Variants in CHD1 observed in about 807,000 individuals in gnomAD.
CHD1 encodes the protein chromodomain helicase DNA binding protein 1.
CHD1 carries 36 observed loss-of-function variants against 224.2 expected under a neutral mutation model. That is an observed-to-expected ratio of 0.16 (90% CI 0.12 to 0.21). The LOEUF is 0.21. Ranked by LOEUF, CHD1 falls within the 10% of genes least tolerant of loss-of-function variation. The probability of loss-of-function intolerance (pLI) is 1.00; values close to 1 mark genes in which losing one functional copy is unlikely to be tolerated. For synonymous variants in CHD1, 668 were observed against 658.3 expected (o/e 1.01, Z -0.23); for missense variants, 1,378 against 1,994.8 (o/e 0.69, Z 5.89).
At chr5:98,897,064 GA>G in intron 11 of CHD1, 128 bp downstream of exon 11, 1 of 806,030 alleles carries the variant, frequency 1.2e-6, no homozygotes, top group Non-Finnish European at 2.0e-6. Context: ...TACAAACTAG[GA>G]AATACAAAGA....
intron 18 of CHD1, among the ~76,000 whole-genome samples, chr5:98,884,773 G>C (rs979063345): frequency 2.5e-4 from 37 of 150,802 alleles, no homozygotes; most frequent in Non-Finnish European, 4.7e-4. Flanking sequence ...CTAGAGTCTA[G>C]TGACATGATC....
chr5:98,878,441 T>C (rs768528051), intron 23 of CHD1, among the ~76,000 whole-genome samples: 15 of 152,216 alleles, frequency 9.9e-5, no homozygotes, highest in Non-Finnish European at 2.2e-4. Context: ...AGGCTTAAAA[T>C]TTAAGGAAGC....
intron 2 of CHD1, among the ~76,000 whole-genome samples, chr5:98,913,971 C>G (rs1752588060): frequency 6.6e-6 from 1 of 151,986 alleles, no homozygotes; most frequent in Non-Finnish European, 1.5e-5. Context: ...AAATGTGCCC[C>G]TCCCTATCCA....
chr5:98,908,490 T>A (rs1255314561), intron 2 of CHD1, among the ~76,000 whole-genome samples: 2 of 152,300 alleles, frequency 1.3e-5, no homozygotes, highest in South Asian at 4.1e-4. Flanking sequence ...GCTGCTCTTA[T>A]GTCAAGCATT....
At chr5:98,869,324 A>G (rs746302034) in intron 30 of CHD1, 299 of 953,968 alleles carry the variant, frequency 3.1e-4, no homozygotes, top group Non-Finnish European at 3.7e-4. Context: ...AAATTTTAAC[A>G]ACGACTAATT....
intron 5 of CHD1, 69 bp from the exon 6 acceptor site, chr5:98,901,404 T>C: frequency 7.9e-7 from 1 of 1,272,394 alleles, no homozygotes; most frequent in East Asian, 2.4e-5. Context: ...AATACAAAGA[T>C]GATCAAATCA....
chr5:98,866,231 GC>G (rs1389575059), intron 31 of CHD1, among the ~76,000 whole-genome samples: 1 of 152,126 alleles, frequency 6.6e-6, no homozygotes, highest in Non-Finnish European at 1.5e-5. Context: ...AAAAAATATG[GC>G]TCAAATAAAT....
At chr5:98,883,062 A>C (rs920565184) in intron 19 of CHD1, 26 bp downstream of exon 19, 48 of 1,356,730 alleles carry the variant, frequency 3.5e-5, no homozygotes, top group Non-Finnish European at 4.5e-5. Flanking sequence ...AAACAGCAAT[A>C]TAATATAAAT....
intron 10 of CHD1, 67 bp downstream of exon 10, chr5:98,898,189 T>C: frequency 2.2e-6 from 2 of 892,058 alleles, no homozygotes; most frequent in Non-Finnish European, 3.0e-6. Flanking sequence ...CTCTTGTATT[T>C]AGGCTTGTAA....
At chr5:98,865,269 G>T (rs548220862) in intron 31 of CHD1, among the ~76,000 whole-genome samples, 1 of 152,294 alleles carries the variant, frequency 6.6e-6, no homozygotes, top group South Asian at 2.1e-4. Context: ...GTAAGTCAGA[G>T]AAGTGGCCGG....
At chr5:98,893,715 C>G in intron 13 of CHD1, 109 bp from the exon 14 acceptor site, 3 of 706,184 alleles carry the variant, frequency 4.2e-6, no homozygotes, top group Non-Finnish European at 4.6e-6. Context: ...TAAAAACAAA[C>G]TTTGTCTAAT....
rs114899267 is a variant in CHD1, at chr5:98,858,930, T to A, written c.4576+34A>T. Reference sequence around the variant, plus strand: ...ACAAAAATTTAAAAAAAATTTTTTTTAATTTATTTTCCCAATCAGTAAGGC... The same window carrying A: ...ACAAAAATTTAAAAAAAATTTTTTTAAATTTATTTTCCCAATCAGTAAGGC... On this transcript the variant is annotated intron_variant, in intron 34 of 35. Transcript: ENST00000614616. The A allele has an allele frequency of 4.0e-3, 5,801 of 1,451,908 alleles. 179 individuals carry two copies. The African/African-American group carries it at 0.073, about 18-fold the overall frequency. 89.9% of individuals were successfully genotyped at this position (1,451,908 alleles called of 1,614,324 possible).
chr5:98,879,878 T>A, intron 22 of CHD1, 150 bp from the exon 23 acceptor site: 1 of 560,122 alleles, frequency 1.8e-6, no homozygotes, highest in East Asian at 3.1e-5. Flanking sequence ...CTAGATTCAT[T>A]TCTTCATTAG....
intron 23 of CHD1, among the ~76,000 whole-genome samples, chr5:98,878,107 C>T (rs775522961): frequency 3.9e-5 from 6 of 152,148 alleles, no homozygotes; most frequent in Non-Finnish European, 1.5e-5. Context: ...GCTGAGTGTA[C>T]GCTATTGTGA....
intron 3 of CHD1, among the ~76,000 whole-genome samples, chr5:98,904,459 C>T (rs1167005586): frequency 6.6e-6 from 1 of 152,190 alleles, no homozygotes; most frequent in East Asian, 1.9e-4. Context: ...TAGCCCCTTA[C>T]CCTATTCCAT....
chr5:98,912,733 C>G (rs530980662), intron 2 of CHD1, among the ~76,000 whole-genome samples: 1 of 152,108 alleles, frequency 6.6e-6, no homozygotes. Flanking sequence ...GTCACCTCGG[C>G]AAGTGCTAGT....
chr5:98,865,263 G>C (rs1748772920), intron 31 of CHD1, among the ~76,000 whole-genome samples: 1 of 152,218 alleles, frequency 6.6e-6, no homozygotes. Flanking sequence ...AACCAAGTAA[G>C]TCAGAGAAGT....
intron 15 of CHD1, among the ~76,000 whole-genome samples, chr5:98,890,296 C>T (rs1379574072): frequency 6.6e-6 from 1 of 152,136 alleles, no homozygotes. Context: ...TGTACATACT[C>T]TTTTATTACC....
chr5:98,856,887 G>A (rs574799276), intron 35 of CHD1, among the ~76,000 whole-genome samples, 162 bp from the exon 36 acceptor site: 1 of 151,784 alleles, frequency 6.6e-6, no homozygotes, highest in East Asian at 1.9e-4. Flanking sequence ...AAAAATCACT[G>A]GATATATCTC....
Sources: gnomAD v4.1 joint callset for allele counts (sites outside exome capture counted in the v4.1 genomes callset) on GRCh38, gnomAD v4.1.1 for gene constraint, MANE v1.5 for transcripts, NCBI Gene and HGNC (gene_info 2026-07-23, HGNC 2026-07-21) for gene names.